The following CLSTN2 variants were observed in gnomAD, a reference collection of about 807,000 sequenced individuals.
CLSTN2 encodes the protein calsyntenin 2.
CLSTN2 carries 48 observed loss-of-function variants against 101.2 expected under a neutral mutation model. That is an observed-to-expected ratio of 0.47 (90% CI 0.38 to 0.60). The LOEUF is 0.60. Among genes scored for constraint, CLSTN2 ranks in the 20% least tolerant of loss-of-function variants. The pLI, the probability that CLSTN2 is intolerant of heterozygous loss-of-function variation, is 0.00. For missense variants in CLSTN2, 1,160 were observed against 1,238.2 expected, an observed-to-expected ratio of 0.94 and a Z score of 0.95; for synonymous variants, 481 against 463.6, an observed-to-expected ratio of 1.04 and a Z score of -0.48.
intron 5 of CLSTN2, among the ~76,000 whole-genome samples, chr3:140,443,026 T>A (rs951334050): frequency 6.6e-6 from 1 of 152,222 alleles, no homozygotes; most frequent in African/African-American, 2.4e-5. Flanking sequence ...AGATAGTGAA[T>A]GCTTGCAGAT....
chr3:140,419,643 A>G (rs2088474669), intron 4 of CLSTN2, among the ~76,000 whole-genome samples: 1 of 61,180 alleles, frequency 1.6e-5, no homozygotes, highest in Non-Finnish European at 2.6e-5. Flanking sequence ...ATATACATAT[A>G]TATGTACACG....
intron 1 of CLSTN2, among the ~76,000 whole-genome samples, chr3:140,098,995 C>T (rs1026568943): frequency 5.3e-5 from 8 of 152,164 alleles, no homozygotes; most frequent in African/African-American, 1.7e-4. Flanking sequence ...TGGTGAGAGG[C>T]ATGGATGGAG....
intron 1 of CLSTN2, among the ~76,000 whole-genome samples, chr3:140,070,482 A>C (rs2008372055): frequency 6.6e-6 from 1 of 152,218 alleles, no homozygotes; most frequent in Non-Finnish European, 1.5e-5. Context: ...AAATAGAAAA[A>C]CAGACAAAAT....
chr3:140,032,265 A>G (rs1382499298), intron 1 of CLSTN2, among the ~76,000 whole-genome samples: 1 of 151,464 alleles, frequency 6.6e-6, no homozygotes, highest in Non-Finnish European at 1.5e-5. Context: ...TCTGCTTAAA[A>G]TGTATTCTTA....
intron 8 of CLSTN2, among the ~76,000 whole-genome samples, chr3:140,529,426 T>C (rs557379441): frequency 6.6e-6 from 1 of 152,204 alleles, no homozygotes; most frequent in Non-Finnish European, 1.5e-5. Context: ...ACACCAGTGA[T>C]TCATGAACAG....
chr3:140,071,202 A>G (rs570365914), intron 1 of CLSTN2, among the ~76,000 whole-genome samples: 78 of 152,362 alleles, frequency 5.1e-4, no homozygotes, highest in African/African-American at 1.8e-3. Context: ...GGATTATTCA[A>G]TAATAAACTA....
chr3:140,072,107 A>T (rs1014452719), intron 1 of CLSTN2, among the ~76,000 whole-genome samples: 11 of 152,158 alleles, frequency 7.2e-5, no homozygotes, highest in Non-Finnish European at 1.3e-4. Context: ...TTGACCCAGC[A>T]TTGCCGTATT....
intron 12 of CLSTN2, 132 bp downstream of exon 12, chr3:140,558,989 T>G: frequency 1.5e-6 from 1 of 673,596 alleles, no homozygotes; most frequent in East Asian, 2.7e-5. Context: ...CAGCGTAATG[T>G]ATTATAGCAA....
At chr3:140,376,750 A>G (rs1576539493) in intron 2 of CLSTN2, among the ~76,000 whole-genome samples, 1 of 152,230 alleles carries the variant, frequency 6.6e-6, no homozygotes, top group African/African-American at 2.4e-5. Context: ...TAATTGAAAT[A>G]AACTACCATG....
At chr3:140,432,468 G>T (rs779497979) in intron 5 of CLSTN2, among the ~76,000 whole-genome samples, 2 of 152,204 alleles carry the variant, frequency 1.3e-5, no homozygotes, top group Non-Finnish European at 2.9e-5. Context: ...CGTGACCCCA[G>T]GGCAGGTGCT....
chr3:140,091,417 G>A (rs935891050), intron 1 of CLSTN2, among the ~76,000 whole-genome samples: 6 of 152,150 alleles, frequency 3.9e-5, no homozygotes, highest in Admixed American at 1.3e-4. Context: ...TCAGGGAGCC[G>A]TGCCAGTGAG....
intron 1 of CLSTN2, among the ~76,000 whole-genome samples, chr3:140,116,327 G>A (rs2009241900): frequency 6.6e-6 from 1 of 152,154 alleles, no homozygotes; most frequent in African/African-American, 2.4e-5. Context: ...AGTAAATATG[G>A]TGAAATCAAA....
intron 8 of CLSTN2, among the ~76,000 whole-genome samples, chr3:140,482,407 C>G (rs1934137715): frequency 6.6e-6 from 1 of 151,206 alleles, no homozygotes; most frequent in Non-Finnish European, 1.5e-5. Flanking sequence ...GTCTAAAATT[C>G]TGTTTGTTGT....
At chr3:140,260,158 T>TATATATATA (rs1559821944) in intron 2 of CLSTN2, among the ~76,000 whole-genome samples, 8 of 146,792 alleles carry the variant, frequency 5.4e-5, no homozygotes, top group African/African-American at 1.7e-4. Flanking sequence ...ATATATATAT[T>TATATATATA]ATATATAAAA....
intron 2 of CLSTN2, among the ~76,000 whole-genome samples, chr3:140,190,406 A>G (rs1459558881): frequency 6.7e-6 from 1 of 149,206 alleles, no homozygotes; most frequent in Non-Finnish European, 1.5e-5. Context: ...TTACCTTACC[A>G]AAAGATTTTA....
rs181734496 is a variant in CLSTN2 at position 140,409,892 on chromosome 3, A to G, written c.637+5126A>G. 3.1e-3 allele frequency among the ~76,000 whole-genome samples: 467 copies of G among 152,254 alleles called. 1 individual carries two copies. The highest frequency in any genetic ancestry group is 0.01 in the Middle Eastern group (3 of 294). On this transcript the variant is annotated intron_variant, in intron 4 of 16. Coordinates refer to ENST00000458420, the MANE Select transcript of CLSTN2 (RefSeq NM_022131.3). ...ACAAATTTTGGAGCTTGAGAATACA[A>G]TGACTGAATTTTAAAAATGCAATAG... is the stretch of plus-strand genomic sequence containing the variant.
chr3:140,324,092 ATATT>A, intron 2 of CLSTN2, among the ~76,000 whole-genome samples: 1 of 152,330 alleles, frequency 6.6e-6, no homozygotes, highest in Non-Finnish European at 1.5e-5. Context: ...TAGGGACATG[ATATT>A]TTGTTGCCAG....
chr3:140,306,711 C>T (rs896791355), intron 2 of CLSTN2, among the ~76,000 whole-genome samples: 11 of 152,204 alleles, frequency 7.2e-5, no homozygotes, highest in South Asian at 4.2e-4. Context: ...TATTTTGAGT[C>T]TCTAGTTTCA....
At chr3:140,084,758 C>T (rs60580868) in intron 1 of CLSTN2, among the ~76,000 whole-genome samples, 149,262 of 152,218 alleles carry the variant, frequency 0.98, 73,196 homozygotes, top group Middle Eastern at 1. Context: ...GGCATTCCAG[C>T]CCCAGCAGAT....
Sources: allele counts gnomAD v4.1 joint callset (sites outside exome capture counted in the v4.1 genomes callset), GRCh38; gene constraint gnomAD v4.1.1; transcripts MANE v1.5; gene names NCBI Gene and HGNC (gene_info 2026-07-23, HGNC 2026-07-21).